CNTNAP2: variants seen among roughly 807,000 people sequenced by gnomAD.
CNTNAP2 encodes the protein contactin-associated protein-like 2.
CNTNAP2 carries 98 observed loss-of-function variants against 155.2 expected under a neutral mutation model. The observed-to-expected ratio is 0.63, with a 90% CI of 0.54 to 0.75. The LOEUF (loss-of-function observed/expected upper bound fraction) is 0.75, where lower values mean the gene tolerates loss of function less well. Among genes scored for constraint, CNTNAP2 ranks in the 30% least tolerant of loss-of-function variants. CNTNAP2 has a pLI of 0.00. For synonymous variants in CNTNAP2, 651 were observed against 631.2 expected, an observed-to-expected ratio of 1.03 and a Z score of -0.47; for missense variants, 1,727 against 1,688.1, an observed-to-expected ratio of 1.02 and a Z score of -0.40.
chr7:147,239,545 G>A (rs992060326), intron 8 of CNTNAP2, among the ~76,000 whole-genome samples: 9 of 149,920 alleles, frequency 6.0e-5, no homozygotes, highest in Admixed American at 1.3e-4. Context: ...TTATTGGTAC[G>A]CATTCATGAC....
intron 21 of CNTNAP2, chr7:148,339,376 G>C (rs1294783663): frequency 6.6e-6 from 1 of 152,218 alleles, no homozygotes. Flanking sequence ...GGATACTTTT[G>C]TGTGGCTCTC....
intron 1 of CNTNAP2, among the ~76,000 whole-genome samples, chr7:146,429,133 C>G (rs1796135624): frequency 6.6e-6 from 1 of 151,972 alleles, no homozygotes; most frequent in African/African-American, 2.4e-5. Flanking sequence ...GTTATGGTAG[C>G]CTTGTAGTAT....
At chr7:147,658,426 TAAAAC>T (rs1795561332) in intron 13 of CNTNAP2, among the ~76,000 whole-genome samples, 1 of 152,262 alleles carries the variant, frequency 6.6e-6, no homozygotes, top group Admixed American at 6.5e-5. Flanking sequence ...TAAATTAACT[TAAAAC>T]AAGAAGACTA....
chr7:146,453,012 T>A (rs948498294), intron 1 of CNTNAP2, among the ~76,000 whole-genome samples: 4 of 152,168 alleles, frequency 2.6e-5, no homozygotes, highest in Admixed American at 2.6e-4. Context: ...TTCCAGGATG[T>A]CATGCAGGTC....
chr7:147,332,390 A>G lies in CNTNAP2; in HGVS notation c.1498+32100A>G, dbSNP rs184376031. On this transcript the variant is annotated intron_variant, in intron 9 of 23. Coordinates refer to ENST00000361727, the MANE Select transcript of CNTNAP2 (RefSeq NM_014141.6). ...CAACAAGTTGGACACATTTTCAGAA[A>G]GGAAGGCTCCTTTCTGCTTTCTTCA... Among the ~76,000 whole-genome samples, 477 of 152,298 alleles carry G rather than the reference A, an allele frequency of 3.1e-3. 1 individual carries two copies. The highest frequency in any genetic ancestry group is 5.0e-3 in the Non-Finnish European group (339 of 68,020).
intron 3 of CNTNAP2, among the ~76,000 whole-genome samples, chr7:146,999,907 C>A (rs1482551705): frequency 6.6e-6 from 1 of 151,840 alleles, no homozygotes; most frequent in Non-Finnish European, 1.5e-5. Context: ...GTAAATATTT[C>A]TATCTTTCTC....
chr7:146,325,120 G>A (rs1801075021), intron 1 of CNTNAP2, among the ~76,000 whole-genome samples: 2 of 151,768 alleles, frequency 1.3e-5, no homozygotes, highest in Non-Finnish European at 2.9e-5. Context: ...CTTTAGAGAG[G>A]AAGCCTCACT....
At chr7:146,632,803 CA>C in intron 1 of CNTNAP2, among the ~76,000 whole-genome samples, 1 of 151,884 alleles carries the variant, frequency 6.6e-6, no homozygotes, top group East Asian at 1.9e-4. Context: ...GAATACTCAT[CA>C]AAAATCACAT....
At chr7:147,607,535 A>G (rs562666368) in intron 12 of CNTNAP2, among the ~76,000 whole-genome samples, 1 of 152,282 alleles carries the variant, frequency 6.6e-6, no homozygotes, top group South Asian at 2.1e-4. Flanking sequence ...CCGTCAAGGG[A>G]AAGTCACATA....
chr7:146,959,565 C>G (rs1797512275), intron 3 of CNTNAP2, among the ~76,000 whole-genome samples: 1 of 151,194 alleles, frequency 6.6e-6, no homozygotes, highest in African/African-American at 2.4e-5. Flanking sequence ...ACTAAAAATA[C>G]AAAAATTACC....
intron 13 of CNTNAP2, among the ~76,000 whole-genome samples, chr7:147,671,402 C>T (rs1795784820): frequency 6.6e-6 from 1 of 152,140 alleles, no homozygotes; most frequent in Non-Finnish European, 1.5e-5. Context: ...CTCAGAACAA[C>T]GCTGAGAAAA....
At chr7:146,283,917 C>T (rs1276319370) in intron 1 of CNTNAP2, among the ~76,000 whole-genome samples, 1 of 152,102 alleles carries the variant, frequency 6.6e-6, no homozygotes, top group Non-Finnish European at 1.5e-5. Context: ...CAGAACCAGT[C>T]TTACAATAAA....
At chr7:148,327,033 C>T (rs923135312) in intron 21 of CNTNAP2, among the ~76,000 whole-genome samples, 3 of 152,164 alleles carry the variant, frequency 2.0e-5, no homozygotes, top group African/African-American at 4.8e-5. Context: ...GCAACGGGCT[C>T]GCAGTGGCTT....
At position 146,760,312 on chromosome 7, in the gene CNTNAP2, C is replaced by G. The variant is rs532055215; in HGVS notation, c.98-13959C>G. On this transcript the variant is annotated intron_variant, in intron 1 of 23. Coordinates refer to ENST00000361727, the MANE Select transcript of CNTNAP2 (RefSeq NM_014141.6). ...TTACTTCTCACATCTGGTTGAAAAACAAATTCAGTCACCTTCTAAAATATC... is the reference window on the plus strand; with the variant it reads ...TTACTTCTCACATCTGGTTGAAAAAGAAATTCAGTCACCTTCTAAAATATC... Among the ~76,000 whole-genome samples the G allele has an allele frequency of 5.5e-5, 8 of 145,876 alleles. No homozygotes were observed. In the South Asian group the frequency reaches 1.7e-3, roughly 31 times the overall value.
chr7:147,754,157 A>G (rs1797180948), intron 13 of CNTNAP2, among the ~76,000 whole-genome samples: 2 of 152,236 alleles, frequency 1.3e-5, no homozygotes, highest in South Asian at 4.1e-4. Context: ...AAAATCAAAA[A>G]GAATAATGGC....
chr7:146,686,928 C>T (rs2129170876), intron 1 of CNTNAP2, among the ~76,000 whole-genome samples: 1 of 152,164 alleles, frequency 6.6e-6, no homozygotes, highest in East Asian at 1.9e-4. Flanking sequence ...CTCCTGGAGC[C>T]AATGCTATAC....
intron 8 of CNTNAP2, among the ~76,000 whole-genome samples, chr7:147,216,948 G>A (rs988738038): frequency 6.6e-6 from 1 of 151,926 alleles, no homozygotes; most frequent in Non-Finnish European, 1.5e-5. Context: ...AATGTAAATG[G>A]AAGTATGTTC....
chr7:148,415,505 C>T lies in CNTNAP2; in HGVS notation c.3885C>T (p.Thr1295=). The T allele has an allele frequency of 6.2e-7, 1 of 1,614,210 alleles. No individual in the cohort carries two copies. Among genetic ancestry groups the T allele is most frequent in the Non-Finnish European group, 8.5e-7 (1 of 1,180,030 alleles). ...YMFRHKGTYH[T]NEAKGAESAE... Reference sequence around the variant, plus strand: ...TCCGCCACAAGGGCACCTACCATACCAACGAAGCAAAGGGGGCGGAGTCGG... The same window carrying T: ...TCCGCCACAAGGGCACCTACCATACTAACGAAGCAAAGGGGGCGGAGTCGG... The change falls in exon 24 of 24, where the codon ACC becomes ACT. Residue 1295 remains threonine (T), a synonymous_variant. Transcript: ENST00000361727.
At chr7:147,956,242 A>G (rs976985486) in intron 14 of CNTNAP2, among the ~76,000 whole-genome samples, 42 of 152,196 alleles carry the variant, frequency 2.8e-4, no homozygotes, top group African/African-American at 9.4e-4. Flanking sequence ...TTTTTCAATA[A>G]TGTTTTCCAA....
Sources: allele counts gnomAD v4.1 joint callset (sites outside exome capture counted in the v4.1 genomes callset), GRCh38; gene constraint gnomAD v4.1.1; transcripts MANE v1.5; gene names NCBI Gene and HGNC (gene_info 2026-07-23, HGNC 2026-07-21).